The following CYSLTR1 variants were observed in gnomAD, a reference collection of about 807,000 sequenced individuals.
CYSLTR1 encodes the protein cysteinyl leukotriene receptor 1.
Under a neutral mutation model 2.1 loss-of-function variants are expected in CYSLTR1, and 1 was observed. That is an observed-to-expected ratio of 0.48 (90% confidence interval 0.17 to 2.28). CYSLTR1 has a LOEUF of 2.28. Among genes scored for constraint, CYSLTR1 ranks in the 30% most tolerant of loss-of-function variants. The pLI, the probability that CYSLTR1 is intolerant of heterozygous loss-of-function variation, is 0.26. For synonymous variants in CYSLTR1, 110 were observed against 89.6 expected (o/e 1.23, Z -1.28); for missense variants, 299 against 250.1 (o/e 1.20, Z -1.32).
chrX:78,284,461 C>T (rs999255036), intron 1 of CYSLTR1, among the ~76,000 whole-genome samples: 5 of 111,089 alleles, frequency 4.5e-5, no homozygotes, highest in Non-Finnish European at 9.4e-5. Context: ...AGTGCAGTGG[C>T]GTGATCTCCA....
At chrX:78,291,414 ATCTTTTTT>A (rs1432210137) in intron 1 of CYSLTR1, among the ~76,000 whole-genome samples, 1 of 111,016 alleles carries the variant, frequency 9.0e-6, no homozygotes, top group East Asian at 2.8e-4. Context: ...TAGTCTAAAA[ATCTTTTTT>A]TCTTTTTTTT....
At chrX:78,293,025 G>A (rs1165625086) in intron 1 of CYSLTR1, among the ~76,000 whole-genome samples, 2 of 111,184 alleles carry the variant, frequency 1.8e-5, no homozygotes, top group Admixed American at 9.6e-5. Context: ...CCATTATGAT[G>A]TTAGCTGGTT....
At position 78,273,512 on chromosome X, in the gene CYSLTR1, GGAGAGGCA is replaced by G. The variant is rs1569552120; in HGVS notation, c.227_234del (p.Leu76ProfsTer15). The stretch of plus-strand genomic sequence containing the variant: ...CCTTTGTGAACATAATAGACCACAC[GGAGAGGCA>G]GTGTGCACACACAAAGTAGATCTGC... On this transcript the variant is annotated frameshift_variant, in exon 3 of 3. Transcript: ENST00000373304. LOFTEE classifies it low-confidence loss of function (END_TRUNC). 8.3e-7 allele frequency: 1 copy of G among 1,211,502 alleles called. No individual in the cohort carries two copies. The highest frequency in any genetic ancestry group is 1.1e-6 in the Non-Finnish European group (1 of 895,376).
chrX:78,302,952 C>T (rs1922879319), intron 1 of CYSLTR1, among the ~76,000 whole-genome samples: 1 of 111,433 alleles, frequency 9.0e-6, no homozygotes, highest in Admixed American at 9.5e-5. Context: ...AGACCACCCC[C>T]AAGGTCCACT....
chrX:78,315,340 G>A (rs1307826331), intron 1 of CYSLTR1, among the ~76,000 whole-genome samples: 1 of 111,052 alleles, frequency 9.0e-6, no homozygotes. Flanking sequence ...AAGCTCTGGT[G>A]GCTGAGGCAA....
intron 1 of CYSLTR1, among the ~76,000 whole-genome samples, chrX:78,290,064 TAA>T: frequency 8.9e-6 from 1 of 112,246 alleles, no homozygotes; most frequent in South Asian, 3.7e-4. Context: ...TGGTATTGCC[TAA>T]GTTTTCTTCT....
intron 1 of CYSLTR1, among the ~76,000 whole-genome samples, chrX:78,294,987 C>A (rs754656873): frequency 2.0e-4 from 22 of 112,187 alleles, no homozygotes; most frequent in Non-Finnish European, 3.6e-4. Flanking sequence ...ATGGGCTGCA[C>A]CCACTGTCCA....
intron 1 of CYSLTR1, among the ~76,000 whole-genome samples, chrX:78,304,629 C>T (rs1470400272): frequency 9.1e-6 from 1 of 110,433 alleles, no homozygotes. Context: ...TGAAGAAACT[C>T]CCCAGGCCTC....
intron 1 of CYSLTR1, among the ~76,000 whole-genome samples, chrX:78,299,141 C>T (rs147600143): frequency 0.02 from 2,252 of 111,388 alleles, 47 homozygotes; most frequent in African/African-American, 0.068. Context: ...AACAAACAAA[C>T]GAAAAAGCAA....
chrX:78,284,443 G>A (rs1157577720), intron 1 of CYSLTR1, among the ~76,000 whole-genome samples: 1 of 111,082 alleles, frequency 9.0e-6, no homozygotes, highest in African/African-American at 3.3e-5. Context: ...CCAGGCTGGA[G>A]TGGCTGGAGT....
rs772370841 is a variant in CYSLTR1, at chrX:78,297,781, T to C, written c.-114-14241A>G. Among the ~76,000 whole-genome samples the C allele has an allele frequency of 2.7e-5, 3 of 111,689 alleles. No homozygotes were observed. The East Asian group carries it at 8.4e-4, about 31-fold the overall frequency. On this transcript the variant is annotated intron_variant, in intron 1 of 2. Transcript: ENST00000373304. ...TTTGGATCTCTCTCTTTTCTTAGTC[T>C]AGCTCAAGGATTGTTAATTTTGCTT...
chrX:78,274,553 C>T (rs1921483641), intron 2 of CYSLTR1, among the ~76,000 whole-genome samples: 1 of 111,607 alleles, frequency 9.0e-6, no homozygotes, highest in Non-Finnish European at 1.9e-5. Flanking sequence ...TGGATCCCTT[C>T]CTTACACCTT....
Position 78,273,733 on chromosome X carries a change from C to A in CYSLTR1, c.14G>T (p.Gly5Val). 8.4e-7 allele frequency: 1 copy of A among 1,194,067 alleles called. No homozygotes were observed. The highest frequency in any genetic ancestry group is 1.8e-5 in the South Asian group (1 of 54,366). The change falls in exon 3 of 3, where the codon GGA becomes GTA. Residue 5 changes from glycine to valine, a missense_variant. By Grantham distance (109) the Gly-to-Val change is moderately radical (BLOSUM62 -3). Transcript: ENST00000373304. MDET[G>V]NLTVSSATCH... ...TGTGGCAGAAGATACTGTCAGATTT[C>A]CTGTTTCATCCATGTTTCTCTACGA...
Position 78,273,696 on chromosome X carries a change from A to C in CYSLTR1, c.51T>G (p.Thr17=). Residue 17 remains threonine, a synonymous_variant, in exon 3 of 3, where the codon ACT becomes ACG. Coordinates refer to ENST00000373304, the MANE Select transcript of CYSLTR1 (RefSeq NM_006639.4). ...LTVSSATCHD[T]IDDFRNQVYS... ...ACACTTGATTGCGGAAGTCATCAAT[A>C]GTGTCATGGCATGTGGCAGAAGATA... The C allele has an allele frequency of 8.3e-7, 1 of 1,209,080 alleles. No individual in the cohort carries two copies. Among genetic ancestry groups the C allele is most frequent in the Non-Finnish European group, 1.1e-6 (1 of 893,450 alleles).
intron 1 of CYSLTR1, among the ~76,000 whole-genome samples, chrX:78,307,411 T>C (rs1257283105): frequency 2.7e-5 from 3 of 111,688 alleles, no homozygotes; most frequent in Non-Finnish European, 5.6e-5. Context: ...TCTTACAACA[T>C]TGCTGTTTGT....
chrX:78,319,461 T>G (rs1484953180), intron 1 of CYSLTR1: 1 of 110,459 alleles, frequency 9.1e-6, no homozygotes, highest in Non-Finnish European at 1.9e-5. Flanking sequence ...TTTTTATGGC[T>G]GCATAGTATT....
chrX:78,303,772 G>A (rs1257040930), intron 1 of CYSLTR1, among the ~76,000 whole-genome samples: 4 of 111,605 alleles, frequency 3.6e-5, no homozygotes, highest in Non-Finnish European at 7.5e-5. Flanking sequence ...CCAAAGATTT[G>A]GATTATACCT....
chrX:78,274,956 C>G (rs1219696241), intron 2 of CYSLTR1, among the ~76,000 whole-genome samples: 11 of 111,911 alleles, frequency 9.8e-5, no homozygotes, highest in African/African-American at 3.6e-4. Flanking sequence ...GACATTTATG[C>G]AGCCAACAGA....
intron 1 of CYSLTR1, chrX:78,321,054 G>A (rs1264187036): frequency 9.1e-6 from 1 of 110,462 alleles, no homozygotes; most frequent in Non-Finnish European, 1.9e-5. Flanking sequence ...ACTTTGAAGA[G>A]TAACTTTGTG....
Sources: gnomAD v4.1 joint callset for allele counts (sites outside exome capture counted in the v4.1 genomes callset) on GRCh38, gnomAD v4.1.1 for gene constraint, MANE v1.5 for transcripts, NCBI Gene and HGNC (gene_info 2026-07-23, HGNC 2026-07-21) for gene names.